The following SUMF1 variants were observed in gnomAD, a reference collection of about 807,000 sequenced individuals.
The protein encoded by SUMF1 is sulfatase modifying factor 1.
SUMF1 carries 48 observed loss-of-function variants against 47.6 expected under a neutral mutation model. The ratio of observed to expected loss-of-function variants is 1.01; its 90% CI spans 0.80 to 1.28. The LOEUF is 1.28. SUMF1 is among the 50% of genes most tolerant of loss of function. The pLI is 0.00. For synonymous variants in SUMF1, 230 were observed against 192.1 expected (o/e 1.20, Z -1.63); for missense variants, 571 against 485.4 (o/e 1.18, Z -1.66).
At chr3:4,425,888 G>A (rs989619382) in intron 3 of SUMF1, among the ~76,000 whole-genome samples, 2 of 152,176 alleles carry the variant, frequency 1.3e-5, no homozygotes, top group Non-Finnish European at 2.9e-5. Context: ...ATGGCAGCAG[G>A]CAAGAGGGCA....
intron 7 of SUMF1, among the ~76,000 whole-genome samples, chr3:4,386,469 T>C (rs1250894104): frequency 6.6e-6 from 1 of 152,138 alleles, no homozygotes; most frequent in Non-Finnish European, 1.5e-5. Flanking sequence ...CTTTATAAAC[T>C]GAAATATTAG....
rs141739453 is a variant in SUMF1, at chr3:4,062,934, C to A, written c.1191+5635G>T. ...GTCTCTGGATGGCCTGCTTGATGGC[C>A]ACCAGGTGATCTTTGCTTTCCTTGG... On this transcript the variant is annotated intron_variant and NMD_transcript_variant, in intron 9 of 12. Transcript: ENST00000448413. 5.1e-3 allele frequency among the ~76,000 whole-genome samples: 774 copies of A among 152,168 alleles called. 6 individuals are homozygous for A. Among genetic ancestry groups the A allele is most frequent in the African/African-American group, 0.018 (727 of 41,524 alleles).
At chr3:4,353,897 T>G (rs954680156) in intron 8 of SUMF1, among the ~76,000 whole-genome samples, 2 of 152,184 alleles carry the variant, frequency 1.3e-5, no homozygotes, top group African/African-American at 4.8e-5. Flanking sequence ...AGGGTATGGC[T>G]CTGTCACCCA....
At chr3:4,443,294 A>T (rs1205485538) in intron 3 of SUMF1, among the ~76,000 whole-genome samples, 5 of 152,118 alleles carry the variant, frequency 3.3e-5, no homozygotes. Context: ...AAAAATTTAA[A>T]AAATGAGGTA....
chr3:4,394,594 A>T (rs1700981443), intron 7 of SUMF1, among the ~76,000 whole-genome samples: 1 of 152,234 alleles, frequency 6.6e-6, no homozygotes, highest in African/African-American at 2.4e-5. Context: ...GGCTAGACTG[A>T]ACCTCATTTC....
At chr3:4,321,747 G>C (rs750622938) in intron 8 of SUMF1, among the ~76,000 whole-genome samples, 1 of 152,090 alleles carries the variant, frequency 6.6e-6, no homozygotes, top group Non-Finnish European at 1.5e-5. Context: ...TTCTGCCCAC[G>C]AAAAGGGGGA....
rs111699846 is a variant in SUMF1, at chr3:4,232,608, CA to C, written c.1014+143721del. Among the ~76,000 whole-genome samples, 307 of 148,148 alleles carry C rather than the reference CA, an allele frequency of 2.1e-3. 1 individual carries two copies. Among genetic ancestry groups the C allele is most frequent in the African/African-American group, 7.2e-3 (291 of 40,384 alleles). On this transcript the variant is annotated intron_variant and NMD_transcript_variant, in intron 8 of 12. Coordinates refer to the SUMF1 transcript ENST00000448413. Reference sequence around the variant, plus strand: ...ATGCTTGCTTGCCGCCAAAAGAAAACAAAAAAAAATGAAAGAAAGCTATAAC... The same window carrying C: ...ATGCTTGCTTGCCGCCAAAAGAAAACAAAAAAAATGAAAGAAAGCTATAAC...
At chr3:4,066,327 AAT>A (rs558452079) in intron 9 of SUMF1, among the ~76,000 whole-genome samples, 84 of 152,288 alleles carry the variant, frequency 5.5e-4, no homozygotes, top group African/African-American at 2.0e-3. Flanking sequence ...TTTTCATGAA[AAT>A]ATGAGAGTAA....
intron 7 of SUMF1, among the ~76,000 whole-genome samples, chr3:4,395,709 A>G (rs1389827221): frequency 1.3e-5 from 2 of 152,198 alleles, no homozygotes; most frequent in Admixed American, 1.3e-4. Context: ...TTAGAAACGA[A>G]GAGAATTTTT....
intron 8 of SUMF1, among the ~76,000 whole-genome samples, chr3:4,164,373 C>A (rs1403840404): frequency 4.6e-5 from 7 of 152,182 alleles, no homozygotes; most frequent in African/African-American, 1.7e-4. Flanking sequence ...ATGACATGAG[C>A]TGGCGCTTAC....
At chr3:4,085,135 T>TA (rs1199781467) in intron 8 of SUMF1, among the ~76,000 whole-genome samples, 3 of 152,162 alleles carry the variant, frequency 2.0e-5, no homozygotes, top group African/African-American at 4.8e-5. Flanking sequence ...TAGGGGAAGC[T>TA]AAAAAAATGG....
intron 8 of SUMF1, among the ~76,000 whole-genome samples, chr3:4,130,743 C>T (rs1282754937): frequency 6.6e-6 from 1 of 151,942 alleles, no homozygotes; most frequent in African/African-American, 2.4e-5. Flanking sequence ...CCTAGTGACC[C>T]TATTTGGATT....
At chr3:4,191,655 T>C (rs890445172) in intron 8 of SUMF1, among the ~76,000 whole-genome samples, 7 of 152,070 alleles carry the variant, frequency 4.6e-5, no homozygotes, top group Non-Finnish European at 7.4e-5. Context: ...TCAAAGGACT[T>C]GGTGTTAATT....
In SUMF1 at chr3:4,392,282, A is replaced by G. The variant is rs147232489; in HGVS notation, c.955-15893T>C. 4.1e-3 allele frequency among the ~76,000 whole-genome samples: 628 copies of G among 152,144 alleles called. 4 individuals are homozygous for G. Among genetic ancestry groups the G allele is most frequent in the East Asian group, 0.036 (189 of 5,182 alleles). On this transcript the variant is annotated intron_variant, in intron 7 of 8. Coordinates refer to ENST00000272902, the MANE Select transcript of SUMF1 (RefSeq NM_182760.4). Reference sequence around the variant, plus strand: ...ACTTGGTTCTTTTTTTAAAATTTCTATTTGATTCTCTATTTGTTGACTCAC... The same window carrying G: ...ACTTGGTTCTTTTTTTAAAATTTCTGTTTGATTCTCTATTTGTTGACTCAC...
chr3:4,286,138 T>C (rs1559652059), intron 8 of SUMF1, among the ~76,000 whole-genome samples: 1 of 152,138 alleles, frequency 6.6e-6, no homozygotes, highest in East Asian at 1.9e-4. Context: ...TTTAGTTTTT[T>C]CTCTGGTTTT....
chr3:4,449,463 T>C, intron 2 of SUMF1, 123 bp from the exon 3 acceptor site: 1 of 995,224 alleles, frequency 1.0e-6, no homozygotes, highest in Admixed American at 1.9e-5. Flanking sequence ...GTCTTTCTTA[T>C]GACTTCCCAG....
At chr3:4,370,865 CT>C (rs1371135543) in intron 8 of SUMF1, among the ~76,000 whole-genome samples, 1 of 152,166 alleles carries the variant, frequency 6.6e-6, no homozygotes, top group Non-Finnish European at 1.5e-5. Flanking sequence ...ATCAGTGCCT[CT>C]CCCTTCCCCA....
intron 7 of SUMF1, among the ~76,000 whole-genome samples, chr3:4,377,829 AC>A (rs1575151810): frequency 1.3e-5 from 2 of 152,334 alleles, no homozygotes; most frequent in East Asian, 3.9e-4. Context: ...GTTCAAAAAG[AC>A]AATTAATCAC....
chr3:4,358,131 T>C (rs370820341), downstream of SUMF1, among the ~76,000 whole-genome samples: 13 of 152,160 alleles, frequency 8.5e-5, no homozygotes, highest in African/African-American at 2.4e-4. Flanking sequence ...TCCCTCCTGA[T>C]TACCACCCGT....
Sources: allele counts gnomAD v4.1 joint callset (sites outside exome capture counted in the v4.1 genomes callset), GRCh38; gene constraint gnomAD v4.1.1; transcripts MANE v1.5; gene names NCBI Gene and HGNC (gene_info 2026-07-23, HGNC 2026-07-21).